SPECC1L: variants seen among roughly 807,000 people sequenced by gnomAD.
SPECC1L encodes sperm antigen with calponin homology and coiled-coil domains 1 like, also known as cytospin-A.
A neutral mutation model predicts 116.8 loss-of-function variants in SPECC1L; 40 were observed. The ratio of observed to expected loss-of-function variants is 0.34; its 90% CI spans 0.27 to 0.45. SPECC1L has a LOEUF of 0.45. SPECC1L is among the 20% of genes least tolerant of loss of function. The pLI is 1.00. For synonymous variants in SPECC1L, 504 were observed against 500.6 expected, an observed-to-expected ratio of 1.01 and a Z score of -0.09; for missense variants, 1,110 against 1,373.6, an observed-to-expected ratio of 0.81 and a Z score of 3.03.
chr22:24,316,998 C>T (rs1232664766), intron 4 of SPECC1L, among the ~76,000 whole-genome samples: 3 of 120,496 alleles, frequency 2.5e-5, no homozygotes, highest in Non-Finnish European at 3.7e-5. Flanking sequence ...CAGAGGCGCC[C>T]CTCACCTCCT....
In SPECC1L at chr22:24,325,538, GATTTATTTATTTATTT is replaced by G. The variant is rs56194800; in HGVS notation, c.2146+1138_2146+1153del. Reference sequence around the variant, plus strand: ...TGCCACTTTCCCTTTTACTTAAATGGATTTATTTATTTATTTATTTATTTATTTATTTATTTATTTA... The same window carrying G: ...TGCCACTTTCCCTTTTACTTAAATGGATTTATTTATTTATTTATTTATTTA... On this transcript the variant is annotated intron_variant, in intron 6 of 16. Coordinates refer to ENST00000314328, the MANE Select transcript of SPECC1L (RefSeq NM_015330.6). Among the ~76,000 whole-genome samples the G allele has an allele frequency of 6.1e-4, 89 of 146,784 alleles. 2 individuals carry two copies. In the East Asian group the frequency reaches 0.011, roughly 18 times the overall value.
At chr22:24,364,936 C>T (rs1199782881) in intron 12 of SPECC1L, among the ~76,000 whole-genome samples, 1 of 152,182 alleles carries the variant, frequency 6.6e-6, no homozygotes, top group African/African-American at 2.4e-5. Context: ...GGATAAGGCA[C>T]ACTCCTTGTC....
intron 3 of SPECC1L, among the ~76,000 whole-genome samples, chr22:24,311,139 A>G (rs1340790741): frequency 2.6e-5 from 4 of 152,186 alleles, no homozygotes; most frequent in African/African-American, 7.2e-5. Flanking sequence ...CTTAATCATT[A>G]TAAGTGCAAA....
intron 14 of SPECC1L, among the ~76,000 whole-genome samples, chr22:24,411,049 G>T (rs1441187848): frequency 1.3e-5 from 2 of 152,054 alleles, no homozygotes; most frequent in Admixed American, 6.5e-5. Flanking sequence ...ATAGCCGGGT[G>T]TGGTGGCACA....
At chr22:24,381,197 C>G (rs1412199267) in intron 14 of SPECC1L, among the ~76,000 whole-genome samples, 1 of 151,956 alleles carries the variant, frequency 6.6e-6, no homozygotes, top group East Asian at 1.9e-4. Flanking sequence ...CCTGGAAAAC[C>G]CTAACTGAAT....
intron 14 of SPECC1L, among the ~76,000 whole-genome samples, chr22:24,406,368 CAG>C (rs1009272749): frequency 2.0e-5 from 3 of 152,178 alleles, no homozygotes; most frequent in African/African-American, 7.2e-5. Flanking sequence ...GTAGGGAAGA[CAG>C]GGCATGAACC....
At chr22:24,301,750 TTATAA>T (rs2049383107) in intron 2 of SPECC1L, among the ~76,000 whole-genome samples, 1 of 152,084 alleles carries the variant, frequency 6.6e-6, no homozygotes, top group Non-Finnish European at 1.5e-5. Flanking sequence ...TTCACCCATA[TTATAA>T]TATATATCAG....
At chr22:24,306,156 C>T (rs1006204024) in intron 3 of SPECC1L, among the ~76,000 whole-genome samples, 5 of 152,162 alleles carry the variant, frequency 3.3e-5, no homozygotes, top group African/African-American at 9.7e-5. Flanking sequence ...ATCCACCCAC[C>T]TCGGCCTCCC....
chr22:24,343,068 C>T (rs916451357), intron 10 of SPECC1L, among the ~76,000 whole-genome samples: 4 of 152,058 alleles, frequency 2.6e-5, no homozygotes, highest in Admixed American at 2.6e-4. Context: ...GTGGTGTGTG[C>T]CTGTAGTCCC....
Position 24,317,142 on chromosome 22 carries a change from C to A in SPECC1L, c.307+3676C>A, listed in dbSNP as rs557768450. Among the ~76,000 whole-genome samples, 3 of 106,148 alleles carry A rather than the reference C, an allele frequency of 2.8e-5. No individual in the cohort carries two copies. The East Asian group carries it at 9.2e-4, about 33-fold the overall frequency. The allele number at this position is 106,148 out of a possible 152,430, so 69.6% of individuals were successfully genotyped here. On this transcript the variant is annotated intron_variant, in intron 4 of 16. Transcript: ENST00000314328. ...GGCTGGCTGGGCGGGGGGCTGACCC[C>A]CCTACCTCCCTCCCGGACGGGGCGG...
intron 3 of SPECC1L, among the ~76,000 whole-genome samples, chr22:24,304,831 T>A (rs1481816815): frequency 1.3e-5 from 2 of 152,244 alleles, no homozygotes; most frequent in Non-Finnish European, 2.9e-5. Context: ...ATAACAAATC[T>A]TCAAATTTGA....
chr22:24,326,658 T>C (rs1167152112), intron 6 of SPECC1L, among the ~76,000 whole-genome samples: 4 of 152,244 alleles, frequency 2.6e-5, no homozygotes, highest in Non-Finnish European at 5.9e-5. Context: ...ATTATATCTT[T>C]CCTTTCCTTT....
chr22:24,381,734 A>T (rs1324414463), intron 14 of SPECC1L, among the ~76,000 whole-genome samples: 1 of 152,146 alleles, frequency 6.6e-6, no homozygotes, highest in Non-Finnish European at 1.5e-5. Context: ...AATACAAAAA[A>T]TTAGCCAGGC....
At chr22:24,383,616 A>G (rs2146702209) in intron 14 of SPECC1L, among the ~76,000 whole-genome samples, 1 of 152,216 alleles carries the variant, frequency 6.6e-6, no homozygotes, top group South Asian at 2.1e-4. Flanking sequence ...TCTGTAAAAT[A>G]GAATCAAATC....
At chr22:24,399,861 C>T (rs761474020) in intron 14 of SPECC1L, among the ~76,000 whole-genome samples, 5 of 152,176 alleles carry the variant, frequency 3.3e-5, no homozygotes, top group Non-Finnish European at 7.3e-5. Flanking sequence ...CTACCCTTAG[C>T]TGCCTGTTTA....
chr22:24,379,733 G>T (rs1601315375), intron 14 of SPECC1L, among the ~76,000 whole-genome samples: 1 of 152,174 alleles, frequency 6.6e-6, no homozygotes, highest in Non-Finnish European at 1.5e-5. Context: ...TGTATGGCTT[G>T]TGGGAGGCAG....
rs996618157 is a variant in SPECC1L at position 24,322,617 on chromosome 22, G to A, written c.1637G>A (p.Arg546Gln). Reference sequence around the variant, plus strand: ...AAAGAACGCAGTCACCATATGGAGCGAATTATTGAGTCTGAGCAGAAAGGA... The same window carrying A: ...AAAGAACGCAGTCACCATATGGAGCAAATTATTGAGTCTGAGCAGAAAGGA... ...ALKERSHHME[R>Q]IIESEQKGKA... Residue 546 changes from arginine (R) to glutamine (Q), a missense_variant, in exon 5 of 17, where the codon CGA (arginine) becomes CAA (glutamine). Arg to Gln is a conservative substitution (Grantham distance 43). This residue lies in a region of SPECC1L where 575 missense variants were observed against 682.4 expected (regional missense o/e 0.84). Transcript: ENST00000314328. The A allele has an allele frequency of 1.6e-5, 26 of 1,614,000 alleles. No individual in the cohort carries two copies. The highest frequency in any genetic ancestry group is 4.5e-5 in the East Asian group (2 of 44,890).
At chr22:24,334,899 T>G (rs551629118) in intron 9 of SPECC1L, among the ~76,000 whole-genome samples, 1 of 152,280 alleles carries the variant, frequency 6.6e-6, no homozygotes, top group South Asian at 2.1e-4. Flanking sequence ...AGCTCTTCCC[T>G]TCCTCTGAAC....
intron 3 of SPECC1L, among the ~76,000 whole-genome samples, chr22:24,307,424 C>G (rs118072845): frequency 0.019 from 2,914 of 152,260 alleles, 28 homozygotes; most frequent in Non-Finnish European, 0.033. Flanking sequence ...TTTATACATG[C>G]TGCATGTATA....
Sources: allele counts gnomAD v4.1 joint callset (sites outside exome capture counted in the v4.1 genomes callset), GRCh38; gene constraint gnomAD v4.1.1; regional missense constraint gnomAD v4.1.1; transcripts MANE v1.5; gene names NCBI Gene and HGNC (gene_info 2026-07-23, HGNC 2026-07-21).